Variants in JAKMIP2 observed in about 807,000 individuals in gnomAD.
JAKMIP2 encodes the protein janus kinase and microtubule interacting protein 2, also known as janus kinase and microtubule-interacting protein 2.
Under a neutral mutation model 115.0 loss-of-function variants are expected in JAKMIP2, and 25 were observed. That is an observed-to-expected ratio of 0.22 (90% CI 0.16 to 0.30). The LOEUF is 0.30. Among genes scored for constraint, JAKMIP2 ranks in the 10% least tolerant of loss-of-function variants. JAKMIP2 has a pLI of 1.00. For synonymous variants in JAKMIP2, 334 were observed against 343.6 expected (o/e 0.97, Z 0.31); for missense variants, 642 against 957.6 (o/e 0.67, Z 4.35).
intron 3 of JAKMIP2, among the ~76,000 whole-genome samples, chr5:147,650,798 A>G (rs1758360067): frequency 1.3e-5 from 2 of 152,148 alleles, no homozygotes; most frequent in Non-Finnish European, 1.5e-5. Context: ...TTGACTCAAT[A>G]TATTGTTTGA....
rs558580763 is a variant in JAKMIP2, at chr5:147,641,764, C to T, written c.1225G>A (p.Asp409Asn). 1.9e-5 allele frequency: 30 copies of T among 1,612,358 alleles called. 1 individual carries two copies. The South Asian group carries it at 3.3e-4, about 18-fold the overall frequency. The change falls in exon 8 of 22, where the codon GAC becomes AAC. Residue 409 changes from aspartate to asparagine, a missense_variant and splice_region_variant. Physicochemically the swap from Asp to Asn is conservative, Grantham distance 23. Transcript: ENST00000616793. Reference sequence around the variant, plus strand: ...CTTCTACGGATGAGCTTTTCTCGGTCCTGGAAAACAGATGAAAGATTTTCA... The same window carrying T: ...CTTCTACGGATGAGCTTTTCTCGGTTCTGGAAAACAGATGAAAGATTTTCA... ...QQNIIDELTR[D>N]REKLIRRRKH...
At chr5:147,684,011 G>T (rs1760446512) in intron 1 of JAKMIP2, among the ~76,000 whole-genome samples, 1 of 152,214 alleles carries the variant, frequency 6.6e-6, no homozygotes, top group South Asian at 2.1e-4. Context: ...GAGCAATACA[G>T]ATCTGTTTTT....
intron 20 of JAKMIP2, among the ~76,000 whole-genome samples, chr5:147,607,273 C>T (rs1756066474): frequency 6.6e-6 from 1 of 152,138 alleles, no homozygotes; most frequent in Admixed American, 6.6e-5. Context: ...GGAATGCTTC[C>T]AGCTTTTGCC....
rs1255216966 is a variant in JAKMIP2 at position 147,762,342 on chromosome 5, CT to C, written c.-149+20113del. Among the ~76,000 whole-genome samples the C allele has an allele frequency of 3.3e-5, 5 of 151,968 alleles. No homozygotes were observed. The East Asian group carries it at 9.6e-4, about 29-fold the overall frequency. Reference sequence around the variant, plus strand: ...ATTGTACTCTTATTCGTGTAATTTTCTCCTATTATTTAATGATTGGGCTGTG... The same window carrying C: ...ATTGTACTCTTATTCGTGTAATTTTCCCTATTATTTAATGATTGGGCTGTG... On this transcript the variant is annotated intron_variant, in intron 1 of 21. Coordinates refer to ENST00000616793, the MANE Select transcript of JAKMIP2 (RefSeq NM_001270941.2).
At chr5:147,620,967 T>C (rs1446359979) in intron 17 of JAKMIP2, among the ~76,000 whole-genome samples, 1 of 152,172 alleles carries the variant, frequency 6.6e-6, no homozygotes, top group Non-Finnish European at 1.5e-5. Context: ...AAAATCCACA[T>C]AGAATGCTCT....
At chr5:147,719,986 C>A (rs1580830613) in intron 1 of JAKMIP2, among the ~76,000 whole-genome samples, 1 of 152,092 alleles carries the variant, frequency 6.6e-6, no homozygotes, top group East Asian at 1.9e-4. Flanking sequence ...GCGGCTGGTA[C>A]CGGTTGTTCC....
At chr5:147,781,615 G>A (rs1361114043) in intron 1 of JAKMIP2, among the ~76,000 whole-genome samples, 2 of 152,112 alleles carry the variant, frequency 1.3e-5, no homozygotes, top group South Asian at 2.1e-4. Flanking sequence ...CAGATCAAAC[G>A]ATAGGCATCT....
In JAKMIP2 at chr5:147,661,104, C is replaced by T. The variant is rs781526933; in HGVS notation, c.471G>A (p.Ala157=). The T allele has an allele frequency of 4.3e-6, 7 of 1,613,894 alleles. No individual in the cohort carries two copies. Among genetic ancestry groups the T allele is most frequent in the Non-Finnish European group, 4.2e-6 (5 of 1,180,024 alleles). ...CCTGCTTCTTGGCCGTTTTCAGGTCCGCAATTTCCTGTAAGAGCTTAAGGC... is the reference window on the plus strand; with the variant it reads ...CCTGCTTCTTGGCCGTTTTCAGGTCTGCAATTTCCTGTAAGAGCTTAAGGC... ...TERLKLLQEI[A]DLKTAKKQVD... The change falls in exon 3 of 22, where the codon GCG becomes GCA. Residue 157 remains alanine (A), a synonymous_variant. Coordinates refer to ENST00000616793, the MANE Select transcript of JAKMIP2 (RefSeq NM_001270941.2).
intron 1 of JAKMIP2, among the ~76,000 whole-genome samples, chr5:147,746,581 A>T (rs1754353707): frequency 6.6e-6 from 1 of 151,992 alleles, no homozygotes; most frequent in South Asian, 2.1e-4. Context: ...AGTCTGAAAC[A>T]TGGAAAGTAC....
At chr5:147,757,573 C>T in intron 1 of JAKMIP2, among the ~76,000 whole-genome samples, 1 of 151,954 alleles carries the variant, frequency 6.6e-6, no homozygotes, top group Non-Finnish European at 1.5e-5. Context: ...AACCTGGGCC[C>T]AGTGATGTTA....
intron 10 of JAKMIP2, 77 bp from the exon 11 acceptor site, chr5:147,637,125 AAGAG>A (rs150089641): frequency 1.5e-5 from 12 of 790,284 alleles, no homozygotes; most frequent in Non-Finnish European, 2.4e-5. Flanking sequence ...CTCAACAAGT[AAGAG>A]AGAGAGAGAG....
intron 1 of JAKMIP2, among the ~76,000 whole-genome samples, chr5:147,727,707 T>G (rs1380489793): frequency 6.6e-6 from 1 of 152,228 alleles, no homozygotes; most frequent in Non-Finnish European, 1.5e-5. Flanking sequence ...AGGATTTTAT[T>G]TTTTAAGGAG....
intron 20 of JAKMIP2, among the ~76,000 whole-genome samples, chr5:147,607,473 C>T (rs954938500): frequency 3.3e-5 from 5 of 152,100 alleles, no homozygotes; most frequent in African/African-American, 9.7e-5. Context: ...TGATGGATTA[C>T]GTTTATTGAT....
At chr5:147,601,171 A>G (rs1017625766) in intron 21 of JAKMIP2, among the ~76,000 whole-genome samples, 14 of 152,228 alleles carry the variant, frequency 9.2e-5, no homozygotes, top group Admixed American at 9.2e-4. Flanking sequence ...GTTAACTGGA[A>G]CAGATTCTTG....
At chr5:147,764,830 G>A (rs576981460) in intron 1 of JAKMIP2, among the ~76,000 whole-genome samples, 75 of 149,700 alleles carry the variant, frequency 5.0e-4, no homozygotes, top group African/African-American at 1.8e-3. Flanking sequence ...AGGTTGCAGT[G>A]AGCCAAGATC....
intron 12 of JAKMIP2, among the ~76,000 whole-genome samples, chr5:147,633,000 C>T (rs903021788): frequency 3.3e-5 from 5 of 152,158 alleles, no homozygotes; most frequent in African/African-American, 1.2e-4. Context: ...GAAGACATCT[C>T]TGTTCCTTGG....
At chr5:147,683,613 A>T (rs928409008) in intron 1 of JAKMIP2, among the ~76,000 whole-genome samples, 1 of 152,172 alleles carries the variant, frequency 6.6e-6, no homozygotes, top group African/African-American at 2.4e-5. Context: ...TGACAGCAAG[A>T]TTTTCTATTT....
intron 21 of JAKMIP2, among the ~76,000 whole-genome samples, chr5:147,596,078 T>C (rs1755373737): frequency 6.6e-6 from 1 of 152,076 alleles, no homozygotes; most frequent in Admixed American, 6.6e-5. Context: ...GCAAACCCTG[T>C]GGAAGGCAGG....
At chr5:147,691,828 C>T (rs1751873427) in intron 1 of JAKMIP2, among the ~76,000 whole-genome samples, 2 of 151,900 alleles carry the variant, frequency 1.3e-5, no homozygotes, top group Admixed American at 6.6e-5. Flanking sequence ...GGTTAAGCAG[C>T]GCCGTGGGTG....
Sources: gnomAD v4.1 joint callset for allele counts (sites outside exome capture counted in the v4.1 genomes callset) on GRCh38, gnomAD v4.1.1 for gene constraint, MANE v1.5 for transcripts, NCBI Gene and HGNC (gene_info 2026-07-23, HGNC 2026-07-21) for gene names.